GIT1: variants seen among roughly 807,000 people sequenced by gnomAD.
GIT1 encodes the protein GIT ArfGAP 1.
GIT1 carries 14 observed loss-of-function variants against 91.7 expected under a neutral mutation model. The ratio of observed to expected loss-of-function variants is 0.15; its 90% CI spans 0.10 to 0.24. GIT1 has a LOEUF of 0.24. GIT1 is among the 10% of genes least tolerant of loss of function. The pLI, the probability that GIT1 is intolerant of heterozygous loss-of-function variation, is 1.00. For missense variants in GIT1, 717 were observed against 1,024.9 expected, an observed-to-expected ratio of 0.70 and a Z score of 4.10; for synonymous variants, 414 against 418.2, an observed-to-expected ratio of 0.99 and a Z score of 0.12.
In GIT1 at chr17:29,575,611, G is replaced by C. The variant is rs777128960; in HGVS notation, c.1826+19C>G. The C allele has an allele frequency of 6.2e-7, 1 of 1,608,382 alleles. No individual in the cohort carries two copies. Among genetic ancestry groups the C allele is most frequent in the African/African-American group, 1.3e-5 (1 of 74,896 alleles). On this transcript the variant is annotated intron_variant, in intron 17 of 19. Coordinates refer to ENST00000225394, the MANE Select transcript of GIT1 (RefSeq NM_014030.4). The surrounding 1 kb of genome is among the most constrained non-coding windows in gnomAD (Gnocchi z 5.5). ...CTCGGCATGTGAGCAGGCTGGACTG[G>C]AGACCCAGGGAGCCTCACCCCAGCA...
At chr17:29,588,549 G>C (rs1394511798) in intron 1 of GIT1, among the ~76,000 whole-genome samples, 3 of 152,202 alleles carry the variant, frequency 2.0e-5, no homozygotes, top group Non-Finnish European at 4.4e-5. Flanking sequence ...ACCCATTTCT[G>C]GCCAGACTGG....
chr17:29,576,187 C>G (rs2033191128), intron 14 of GIT1, 33 bp downstream of exon 14: 5 of 1,608,464 alleles, frequency 3.1e-6, no homozygotes, highest in Non-Finnish European at 4.3e-6. Flanking sequence ...CCCCACCCAT[C>G]TCCCCACACC....
Position 29,589,135 on chromosome 17 carries a change from C to T in GIT1, c.52+192G>A, listed in dbSNP as rs1248362917. ...TCGCTAGTCCACGGCCTCCAGGGAG[C>T]ATGGGCACCCCAGGCCGGCCCTCCC... On this transcript the variant is annotated intron_variant, in intron 1 of 19. Coordinates refer to ENST00000225394, the MANE Select transcript of GIT1 (RefSeq NM_014030.4). This position sits in a 1 kb window ranked among gnomAD's most constrained non-coding sequence, Gnocchi z 5.2. Among the ~76,000 whole-genome samples, 1 of 152,144 alleles carries T rather than the reference C, an allele frequency of 6.6e-6. No individual in the cohort carries two copies. The highest frequency in any genetic ancestry group is 1.9e-4 in the East Asian group (1 of 5,152).
Position 29,574,753 on chromosome 17 carries a change from G to A in GIT1, c.2235C>T (p.Ala745=), listed in dbSNP as rs1372466774. 1 of 1,613,538 alleles carries A rather than the reference G, an allele frequency of 6.2e-7. No individual in the cohort carries two copies. Among genetic ancestry groups the A allele is most frequent in the East Asian group, 2.2e-5 (1 of 44,892 alleles). The change falls in exon 20 of 20, where the codon GCC becomes GCT. Residue 745 remains alanine (A), a synonymous_variant. Coordinates refer to ENST00000225394, the MANE Select transcript of GIT1 (RefSeq NM_014030.4). ...QQVIQCAYDI[A]KAAKQLVTIT... ...TGGTGACCAGCTGCTTGGCAGCCTT[G>A]GCGATGTCATAGGCGCACTGGATCA...
At position 29,577,561 on chromosome 17, in the gene GIT1, G is replaced by A. The variant is rs958849435; in HGVS notation, c.981+84C>T. ...GGCCCTGGCAAATGCTGGAGAGCTG[G>A]CTCAGGCCCCAGCCCACTGCCGGAT... On this transcript the variant is annotated intron_variant, in intron 10 of 19. Coordinates refer to ENST00000225394, the MANE Select transcript of GIT1 (RefSeq NM_014030.4). 3.3e-6 allele frequency: 3 copies of A among 904,796 alleles called. No homozygotes were observed. The Admixed American group carries it at 5.2e-5, about 16-fold the overall frequency. 56.0% of individuals were successfully genotyped at this position (904,796 alleles called of 1,614,324 possible).
chr17:29,588,464 G>A (rs556845585), intron 1 of GIT1, among the ~76,000 whole-genome samples: 3 of 152,228 alleles, frequency 2.0e-5, no homozygotes, highest in African/African-American at 7.2e-5. Context: ...AAAAGGAAGG[G>A]AACCACCATG....
intron 7 of GIT1, among the ~76,000 whole-genome samples, chr17:29,580,212 C>T (rs923952642): frequency 2.0e-5 from 3 of 152,188 alleles, no homozygotes; most frequent in Admixed American, 6.5e-5. Context: ...TAGCTGGCTC[C>T]GGGAAGGTGC....
intron 1 of GIT1, among the ~76,000 whole-genome samples, chr17:29,586,086 T>C (rs1341443659): frequency 6.6e-6 from 1 of 152,156 alleles, no homozygotes; most frequent in Admixed American, 6.5e-5. Flanking sequence ...GCCCACATCA[T>C]GAAGGCAGGC....
chr17:29,578,642 G>C, intron 8 of GIT1, 89 bp downstream of exon 8: 2 of 1,201,290 alleles, frequency 1.7e-6, no homozygotes, highest in South Asian at 1.2e-5. Context: ...AAAGGTCATC[G>C]AGTCAGAGGC....
intron 9 of GIT1, 43 bp from the exon 10 acceptor site, chr17:29,577,785 C>A: frequency 3.3e-6 from 4 of 1,230,530 alleles, no homozygotes; most frequent in Non-Finnish European, 4.8e-6. Flanking sequence ...GGTGGCCAGG[C>A]CCCCAAGGTG....
At position 29,575,936 on chromosome 17, in the gene GIT1, C is replaced by T. The variant is rs755472133; in HGVS notation, c.1666-38G>A. The T allele has an allele frequency of 1.0e-5, 16 of 1,556,582 alleles. No homozygotes were observed. The highest frequency in any genetic ancestry group is 1.1e-5 in the Non-Finnish European group (13 of 1,134,134). On this transcript the variant is annotated intron_variant, in intron 15 of 19. Transcript: ENST00000225394. The surrounding 1 kb of genome is among the most constrained non-coding windows in gnomAD (Gnocchi z 5.5). ...GCAGCGCTGGATGGAGTCAGTGTGCCCCACTGCCCCCCTGCTCACCAGCAG... is the reference window on the plus strand; with the variant it reads ...GCAGCGCTGGATGGAGTCAGTGTGCTCCACTGCCCCCCTGCTCACCAGCAG...
In GIT1 at chr17:29,581,410, C is replaced by T; in HGVS notation, c.719-30G>A. ...ACAAAAATAAAAATGCCAAGTCACT[C>T]ACTAGTGCTGGGTGGCCTCAGCAGC... is the stretch of plus-strand genomic sequence containing the variant. On this transcript the variant is annotated intron_variant, in intron 6 of 19. Coordinates refer to ENST00000225394, the MANE Select transcript of GIT1 (RefSeq NM_014030.4). The surrounding 1 kb of genome is among the most constrained non-coding windows in gnomAD (Gnocchi z 4.8). 1.3e-6 allele frequency: 2 copies of T among 1,585,944 alleles called. No homozygotes were observed. The highest frequency in any genetic ancestry group is 1.7e-6 in the Non-Finnish European group (2 of 1,154,788).
At chr17:29,584,663 A>G (rs2033524028) in intron 1 of GIT1, among the ~76,000 whole-genome samples, 1 of 152,186 alleles carries the variant, frequency 6.6e-6, no homozygotes, top group Admixed American at 6.5e-5. Flanking sequence ...ACCCTGTCTC[A>G]GGAAACCCTG....
intron 8 of GIT1, 95 bp downstream of exon 8, chr17:29,578,636 G>A: frequency 8.7e-7 from 1 of 1,153,944 alleles, no homozygotes; most frequent in Admixed American, 1.7e-5. Context: ...CTTGGAAAAG[G>A]TCATCGAGTC....
At chr17:29,580,960 G>A in intron 7 of GIT1, 1 of 244,816 alleles carries the variant, frequency 4.1e-6, no homozygotes, top group Non-Finnish European at 8.3e-6. Flanking sequence ...TGTATTTTTG[G>A]TAGAGACGGG....
rs769006617 is a variant in GIT1, at chr17:29,574,519, C to T, written c.*183G>A. ...TGGGGGACAGAAGCTCCTGCCCCCCCACCTCCCCATCCTTAGGGGCTCGAC... is the reference window on the plus strand; with the variant it reads ...TGGGGGACAGAAGCTCCTGCCCCCCTACCTCCCCATCCTTAGGGGCTCGAC... On this transcript the variant is annotated 3_prime_UTR_variant, in exon 20 of 20. Coordinates refer to ENST00000225394, the MANE Select transcript of GIT1 (RefSeq NM_014030.4). The T allele has an allele frequency of 4.5e-6, 3 of 661,668 alleles. No individual in the cohort carries two copies. Among genetic ancestry groups the T allele is most frequent in the African/African-American group, 1.8e-5 (1 of 55,780 alleles). 41.0% of individuals were successfully genotyped at this position (661,668 alleles called of 1,614,324 possible).
intron 2 of GIT1, 57 bp downstream of exon 2, chr17:29,583,426 C>T (rs1598576409): frequency 1.3e-6 from 2 of 1,582,758 alleles, no homozygotes; most frequent in Non-Finnish European, 1.7e-6. Flanking sequence ...GAAACGCCCT[C>T]ATGCTCAGCA....
At chr17:29,579,387 A>G (rs1215862939) in intron 7 of GIT1, 2 of 257,214 alleles carry the variant, frequency 7.8e-6, no homozygotes, top group African/African-American at 4.4e-5. Context: ...TGGCTGCACT[A>G]CCCCTTGCCT....
rs1308275455 is a variant in GIT1 at position 29,589,051 on chromosome 17, G to A, written c.52+276C>T. ...ATACAGAGATGGAGGTGGAGGAGCA[G>A]CCAGCTGCCCGCCTCCCTCAGACCG... On this transcript the variant is annotated intron_variant, in intron 1 of 19. Transcript: ENST00000225394. The surrounding 1 kb of genome is among the most constrained non-coding windows in gnomAD (Gnocchi z 5.2). Among the ~76,000 whole-genome samples the A allele has an allele frequency of 6.6e-6, 1 of 152,186 alleles. No individual in the cohort carries two copies. Among genetic ancestry groups the A allele is most frequent in the African/African-American group, 2.4e-5 (1 of 41,452 alleles).
Sources: gnomAD v4.1 joint callset for allele counts (sites outside exome capture counted in the v4.1 genomes callset) on GRCh38, gnomAD v4.1.1 for gene constraint, Gnocchi (gnomAD v3.1) non-coding constraint, MANE v1.5 for transcripts, NCBI Gene and HGNC (gene_info 2026-07-23, HGNC 2026-07-21) for gene names.